The following CEL variants were observed in gnomAD, a reference collection of about 807,000 sequenced individuals.
CEL encodes the protein bile salt-activated lipase.
In CEL, 39 loss-of-function variants were observed where a neutral mutation model predicts 57.1. That is an observed-to-expected ratio of 0.68 (90% CI 0.53 to 0.89). The LOEUF (loss-of-function observed/expected upper bound fraction) is 0.89, where lower values mean the gene tolerates loss of function less well. Ranked by LOEUF, CEL falls within the 40% of genes least tolerant of loss-of-function variation. The pLI is 0.00. For synonymous variants in CEL, 314 were observed against 396.6 expected (o/e 0.79, Z 2.48); for missense variants, 698 against 915.0 (o/e 0.76, Z 3.06).
chr9:133,066,437 G>A lies in CEL; in HGVS notation c.539-93G>A. 6.5e-7 allele frequency: 1 copy of A among 1,531,444 alleles called. No individual in the cohort carries two copies. The highest frequency in any genetic ancestry group is 9.0e-7 in the Non-Finnish European group (1 of 1,114,100). The allele number at this position is 1,531,444 out of a possible 1,614,324, so 94.9% of individuals were successfully genotyped here. A position where few individuals can be genotyped will look rare whatever the true frequency, so the allele number is the denominator to read the frequency against. On this transcript the variant is annotated intron_variant, in intron 4 of 10. Transcript: ENST00000372080. The surrounding 1 kb of genome is among the most constrained non-coding windows in gnomAD (Gnocchi z 4.3). ...TCTGCCATGGCCCCAACTCTGTTGA[G>A]GGCATTTCCACCCCACCTATGCTGA...
chr9:133,068,627 C>G, intron 7 of CEL, 45 bp from the exon 8 acceptor site: 3 of 1,613,600 alleles, frequency 1.9e-6, no homozygotes, highest in Non-Finnish European at 1.7e-6. Flanking sequence ...TCAGGGGAAA[C>G]TGGGAGGTAC....
At position 133,065,201 on chromosome 9, in the gene CEL, C is replaced by G; in HGVS notation, c.502C>G (p.Leu168Val). 1 of 1,613,712 alleles carries G rather than the reference C, an allele frequency of 6.2e-7. No homozygotes were observed. The highest frequency in any genetic ancestry group is 1.1e-5 in the South Asian group (1 of 91,090). Residue 168 changes from leucine (L) to valine (V), a missense_variant, in exon 4 of 11, where the codon CTT becomes GTT. Leu to Val is a conservative substitution (Grantham distance 32). This residue lies in a region of CEL where 327 missense variants were observed against 374.1 expected (regional missense o/e 0.87). Coordinates refer to ENST00000372080, the MANE Select transcript of CEL (RefSeq NM_001807.6). ...VVTFNYRVGP[L>V]GFLSTGDANL... ...CACCTTCAACTACCGTGTCGGCCCC[C>G]TTGGGTTCCTCAGCACTGGGGACGC... is the stretch of plus-strand genomic sequence containing the variant.
At chr9:133,070,683 C>T (rs370992875) in intron 10 of CEL, 25 bp downstream of exon 10, 25 of 1,613,718 alleles carry the variant, frequency 1.5e-5, no homozygotes, top group East Asian at 1.1e-4. Flanking sequence ...GAGTGCAGGG[C>T]GGAGGGCCAC....
chr9:133,067,063 C>G (rs1830190219), intron 6 of CEL, 25 bp from the exon 7 acceptor site: 1 of 1,612,718 alleles, frequency 6.2e-7, no homozygotes, highest in African/African-American at 1.3e-5. Context: ...CCTCACCTAC[C>G]TGCTGGCCTT....
chr9:133,070,868 G>A (rs1830248810), intron 10 of CEL, 119 bp from the exon 11 acceptor site: 1 of 1,308,512 alleles, frequency 7.6e-7, no homozygotes, highest in Non-Finnish European at 1.1e-6. Flanking sequence ...TATGCAGTGA[G>A]GGGCATGGTG....
At chr9:133,064,602 G>A (rs1199028936) in intron 2 of CEL, 38 bp from the exon 3 acceptor site, 5 of 1,613,682 alleles carry the variant, frequency 3.1e-6, no homozygotes, top group Non-Finnish European at 4.2e-6. Context: ...GCGGGTGAGG[G>A]CGGCTGCCTT....
In CEL at chr9:133,066,938, C is replaced by T. The variant is rs756270264; in HGVS notation, c.770C>T (p.Ala257Val). The T allele has an allele frequency of 4.4e-5, 53 of 1,204,352 alleles. No individual in the cohort carries two copies. The highest frequency in any genetic ancestry group is 4.2e-4 in the Middle Eastern group (2 of 4,720). 74.6% of individuals were successfully genotyped at this position (1,204,352 alleles called of 1,614,324 possible). A position where few individuals can be genotyped will look rare whatever the true frequency, so the allele number is the denominator to read the frequency against. The change falls in exon 6 of 11, where the codon GCC becomes GTC. Residue 257 changes from alanine (A) to valine (V), a missense_variant. Coordinates refer to ENST00000372080, the MANE Select transcript of CEL (RefSeq NM_001807.6). This position sits in a 1 kb window ranked among gnomAD's most constrained non-coding sequence, Gnocchi z 4.3. ...WVIQKNPLFW[A>V]KKVAEKVGCP... ...ATCCAGAAAAACCCACTCTTCTGGG[C>T]CAAAAAGGTAAACGGAGGAGGGCAG...
In CEL at chr9:133,070,983, G is replaced by T; in HGVS notation, c.1485-4G>T. ...CCCCTGCACAGCCTCTTCTCACTCT[G>T]CAGGGACCCCAACATGGGCGACTCG... On this transcript the variant is annotated splice_region_variant and splice_polypyrimidine_tract_variant and intron_variant, in intron 10 of 10. Coordinates refer to ENST00000372080, the MANE Select transcript of CEL (RefSeq NM_001807.6). 6.2e-7 allele frequency: 1 copy of T among 1,613,406 alleles called. No individual in the cohort carries two copies. The highest frequency in any genetic ancestry group is 8.5e-7 in the Non-Finnish European group (1 of 1,179,798).
chr9:133,070,511 T>G lies in CEL; in HGVS notation c.1337T>G (p.Val446Gly), dbSNP rs1830242455. Residue 446 changes from valine to glycine, a missense_variant, in exon 10 of 11, where the codon GTC becomes GGC. This residue lies in a region of CEL where 111 missense variants were observed against 147.3 expected (regional missense o/e 0.75). Transcript: ENST00000372080. ...TTTTCCCATCCCTCTCGGATGCCCG[T>G]CTACCCCAAATGGGTGGGGGCCGAC... Reference protein sequence around the residue: ...YLFSHPSRMPVYPKWVGADHA... With the variant: ...YLFSHPSRMPGYPKWVGADHA... The G allele has an allele frequency of 6.2e-7, 1 of 1,613,904 alleles. No individual in the cohort carries two copies. Among genetic ancestry groups the G allele is most frequent in the Non-Finnish European group, 8.5e-7 (1 of 1,179,982 alleles).
chr9:133,065,620 G>A (rs1439724264), intron 4 of CEL, among the ~76,000 whole-genome samples: 1 of 152,104 alleles, frequency 6.6e-6, no homozygotes, highest in Non-Finnish European at 1.5e-5. Flanking sequence ...CCCAAGGTGG[G>A]TAGATCACCT....
At chr9:133,065,769 TC>T (rs1830167830) in intron 4 of CEL, among the ~76,000 whole-genome samples, 1 of 145,184 alleles carries the variant, frequency 6.9e-6, no homozygotes, top group Admixed American at 7.2e-5. Flanking sequence ...TCGCTTGAAC[TC>T]AGGAGGCGGA....
chr9:133,065,242 G>A lies in CEL; in HGVS notation c.538+5G>A, dbSNP rs371770927. 21 of 1,612,306 alleles carry A rather than the reference G, an allele frequency of 1.3e-5. No individual in the cohort carries two copies. The highest frequency in any genetic ancestry group is 1.7e-5 in the Admixed American group (1 of 60,014). On this transcript the variant is annotated splice_donor_5th_base_variant and intron_variant, in intron 4 of 10. Transcript: ENST00000372080. Reference sequence around the variant, plus strand: ...CTGGGGACGCCAATCTGCCAGGTGCGTGGGTGCCTTCGGCCCTGAGGTGGG... The same window carrying A: ...CTGGGGACGCCAATCTGCCAGGTGCATGGGTGCCTTCGGCCCTGAGGTGGG...
At position 133,062,451 on chromosome 9, in the gene CEL, GGGC is replaced by G. The variant is rs1200473802; in HGVS notation, c.66+385_66+387del. On this transcript the variant is annotated intron_variant, in intron 1 of 10. Transcript: ENST00000372080. ...TCTACTAAAAATACAAATATTAATC[GGGC>G]GTGGTGGTGGGTGCCTGTAATCCCA... Among the ~76,000 whole-genome samples the G allele has an allele frequency of 3.6e-5, 5 of 137,042 alleles. No homozygotes were observed. The East Asian group carries it at 1.0e-3, about 28-fold the overall frequency. 89.9% of individuals were successfully genotyped at this position (137,042 alleles called of 152,430 possible). A position where few individuals can be genotyped will look rare whatever the true frequency, so the allele number is the denominator to read the frequency against.
chr9:133,067,799 T>C (rs1360612440), intron 7 of CEL, among the ~76,000 whole-genome samples: 1 of 152,172 alleles, frequency 6.6e-6, no homozygotes, highest in Non-Finnish European at 1.5e-5. Flanking sequence ...GGGAGACTCA[T>C]AGACCTCAGA....
At position 133,068,680 on chromosome 9, in the gene CEL, C is replaced by CTGCA. The variant is rs755917373; in HGVS notation, c.905_908dup (p.Tyr304AlafsTer10). Reference sequence around the variant, plus strand: ...CTGGCTCTCCCACCCAGACCCCATGCTGCACTATGTGGGCTTCGTCCCTGT... The same window carrying CTGCA: ...CTGGCTCTCCCACCCAGACCCCATGCTGCATGCACTATGTGGGCTTCGTCCCTGT... On this transcript the variant is annotated frameshift_variant, in exon 8 of 11. Coordinates refer to ENST00000372080, the MANE Select transcript of CEL (RefSeq NM_001807.6). LOFTEE classifies it high-confidence loss of function. The CTGCA allele has an allele frequency of 6.2e-7, 1 of 1,612,828 alleles. No homozygotes were observed. The highest frequency in any genetic ancestry group is 1.3e-5 in the African/African-American group (1 of 74,528).
In CEL at chr9:133,070,533, C is replaced by T. The variant is rs758470016; in HGVS notation, c.1359C>T (p.Ala453=). The change falls in exon 10 of 11, where the codon GCC becomes GCT. Residue 453 remains alanine (A), a synonymous_variant. Coordinates refer to ENST00000372080, the MANE Select transcript of CEL (RefSeq NM_001807.6). ...CCGTCTACCCCAAATGGGTGGGGGC[C>T]GACCATGCAGATGACATTCAGTACG... ...RMPVYPKWVG[A]DHADDIQYVF... 1.2e-5 allele frequency: 20 copies of T among 1,614,042 alleles called. No homozygotes were observed. The highest frequency in any genetic ancestry group is 3.3e-5 in the South Asian group (3 of 91,076).
intron 1 of CEL, among the ~76,000 whole-genome samples, chr9:133,062,834 T>C (rs1830112164): frequency 6.6e-6 from 1 of 151,560 alleles, no homozygotes; most frequent in South Asian, 2.1e-4. Flanking sequence ...CTGCCTCCTA[T>C]TCCTGTGCAG....
rs200010111 is a variant in CEL, at chr9:133,065,137, C to T, written c.438C>T (p.Asp146=). The T allele has an allele frequency of 4.6e-5, 74 of 1,613,982 alleles. 1 individual carries two copies. Among genetic ancestry groups the T allele is most frequent in the African/African-American group, 1.5e-4 (11 of 75,064 alleles). The change falls in exon 4 of 11, where the codon GAC becomes GAT. Residue 146 remains aspartate (D), a synonymous_variant. Transcript: ENST00000372080. The part of the protein sequence containing the change: ...GANFLNNYLY[D]GEEIATRGNV... ...ACTTCCTCAACAACTACCTGTATGA[C>T]GGCGAGGAGATCGCCACACGCGGAA...
chr9:133,064,112 A>C lies in CEL; in HGVS notation c.67-292A>C, dbSNP rs1446420037. Among the ~76,000 whole-genome samples the C allele has an allele frequency of 2.0e-5, 3 of 152,142 alleles. No homozygotes were observed. The East Asian group carries it at 5.8e-4, about 29-fold the overall frequency. ...TCAAAGCTGGGCGGCCATAGCCAGA[A>C]CCCAAACCTCCATCCCACCTCTTGG... On this transcript the variant is annotated intron_variant, in intron 1 of 10. Coordinates refer to ENST00000372080, the MANE Select transcript of CEL (RefSeq NM_001807.6).
Sources: gnomAD v4.1 joint callset for allele counts (sites outside exome capture counted in the v4.1 genomes callset) on GRCh38, gnomAD v4.1.1 for gene constraint, gnomAD v4.1.1 regional missense constraint, Gnocchi (gnomAD v3.1) non-coding constraint, MANE v1.5 for transcripts, NCBI Gene and HGNC (gene_info 2026-07-23, HGNC 2026-07-21) for gene names.